Variants in C5 observed in about 807,000 individuals in gnomAD.
C5 encodes complement C5.
C5 carries 140 observed loss-of-function variants against 218.8 expected under a neutral mutation model. The observed-to-expected ratio is 0.64, with a 90% CI of 0.56 to 0.74. C5 has a LOEUF of 0.74. Among genes scored for constraint, C5 ranks in the 30% least tolerant of loss-of-function variants. The pLI, the probability that C5 is intolerant of heterozygous loss-of-function variation, is 0.00. For synonymous variants in C5, 614 were observed against 682.3 expected, an observed-to-expected ratio of 0.90 and a Z score of 1.56; for missense variants, 1,700 against 1,969.6, an observed-to-expected ratio of 0.86 and a Z score of 2.59.
intron 10 of C5, among the ~76,000 whole-genome samples, chr9:121,022,369 T>C (rs1256744938): frequency 3.3e-5 from 5 of 150,216 alleles, no homozygotes; most frequent in Non-Finnish European, 5.9e-5. Flanking sequence ...TATAAACATA[T>C]TTTAAGCTTA....
rs1187988699 is a variant in C5, at chr9:120,962,981, G to A, written c.4324-14C>T. On this transcript the variant is annotated splice_polypyrimidine_tract_variant and intron_variant, in intron 34 of 40. Coordinates refer to ENST00000223642, the MANE Select transcript of C5 (RefSeq NM_001735.3). ...CCCTTCCACAAGCTAAGGGGGAAAA[G>A]AGAGAAGCTTGAATTTCATTTCATT... 7.5e-6 allele frequency: 12 copies of A among 1,598,710 alleles called. No individual in the cohort carries two copies. Among genetic ancestry groups the A allele is most frequent in the Non-Finnish European group, 1.0e-5 (12 of 1,166,072 alleles).
chr9:121,000,141 C>T, intron 20 of C5: 1 of 195,576 alleles, frequency 5.1e-6, no homozygotes, highest in Non-Finnish European at 1.1e-5. Context: ...CTAGATTTGG[C>T]CCATGGTCCA....
intron 23 of C5, among the ~76,000 whole-genome samples, chr9:120,990,218 C>A (rs1471263458): frequency 1.3e-5 from 2 of 152,198 alleles, no homozygotes; most frequent in Non-Finnish European, 1.5e-5. Context: ...CAGGGTTGCA[C>A]ATGATCAAAA....
intron 17 of C5, among the ~76,000 whole-genome samples, chr9:121,010,238 G>A (rs1207787310): frequency 6.6e-6 from 1 of 152,212 alleles, no homozygotes; most frequent in African/African-American, 2.4e-5. Flanking sequence ...GGAAAAACCT[G>A]AGGACTCCAC....
chr9:121,001,746 C>T (rs1315048573), intron 20 of C5, among the ~76,000 whole-genome samples: 1 of 152,116 alleles, frequency 6.6e-6, no homozygotes, highest in Non-Finnish European at 1.5e-5. Context: ...AGGCTACCTG[C>T]ATACACTTGG....
chr9:120,974,686 A>T, intron 30 of C5, 93 bp downstream of exon 30: 1 of 1,146,868 alleles, frequency 8.7e-7, no homozygotes, highest in Non-Finnish European at 1.3e-6. Flanking sequence ...ATGTTTAAGT[A>T]GTGAAGAGAT....
intron 20 of C5, among the ~76,000 whole-genome samples, chr9:121,000,598 T>A (rs1478284170): frequency 2.0e-5 from 3 of 152,154 alleles, no homozygotes; most frequent in Non-Finnish European, 4.4e-5. Flanking sequence ...TGGGATTAGA[T>A]CCTTATTTCA....
chr9:121,050,886 C>T (rs1381571461), upstream of C5, among the ~76,000 whole-genome samples: 3 of 151,992 alleles, frequency 2.0e-5, no homozygotes, highest in Admixed American at 6.6e-5. Flanking sequence ...AGGATGCTGT[C>T]GTCATTCTCT....
At chr9:121,016,586 A>C (rs1358584214) in intron 14 of C5, among the ~76,000 whole-genome samples, 5 of 152,268 alleles carry the variant, frequency 3.3e-5, no homozygotes, top group Non-Finnish European at 5.9e-5. Flanking sequence ...ATTCAAAGTT[A>C]AATCAAGAAC....
chr9:120,969,916 A>C (rs1391460425), intron 32 of C5, among the ~76,000 whole-genome samples: 1 of 152,252 alleles, frequency 6.6e-6, no homozygotes. Flanking sequence ...TAACATAGTC[A>C]AAACAATTTA....
At chr9:120,954,562 T>C (rs2300929) in intron 39 of C5, among the ~76,000 whole-genome samples, 30,259 of 152,154 alleles carry the variant, frequency 0.2, 5,295 homozygotes, top group African/African-American at 0.47. Context: ...CTGTCTCCTC[T>C]TTACCTCTTT....
chr9:121,043,037 T>C lies in C5; in HGVS notation c.388A>G (p.Thr130Ala). The C allele has an allele frequency of 6.2e-7, 1 of 1,613,114 alleles. No individual in the cohort carries two copies. The highest frequency in any genetic ancestry group is 1.1e-5 in the South Asian group (1 of 91,050). Reference protein sequence around the residue: ...TYDNGFLFIHTDKPVYTPDQS... With the variant: ...TYDNGFLFIHADKPVYTPDQS... ...TCTGGAGTATAAACAGGTTTGTCTG[T>C]ATGAATGAAGAGAAATCCATTGTCA... The change falls in exon 3 of 41, where the codon ACA (threonine) becomes GCA (alanine). Residue 130 changes from threonine (T) to alanine (A), a missense_variant. Physicochemically the swap from Thr to Ala is moderately conservative, Grantham distance 58. Transcript: ENST00000223642.
intron 20 of C5, among the ~76,000 whole-genome samples, chr9:121,002,224 ATATATGTATATATG>A (rs2047170201): frequency 4.1e-5 from 2 of 48,414 alleles, no homozygotes; most frequent in Non-Finnish European, 5.0e-5. Context: ...ACGTATATAT[ATATATGTATATATG>A]TATATGTATA....
At chr9:121,021,130 G>C (rs2047361651) in intron 11 of C5, among the ~76,000 whole-genome samples, 1 of 152,072 alleles carries the variant, frequency 6.6e-6, no homozygotes, top group East Asian at 1.9e-4. Context: ...TCTGTAGTTA[G>C]AAAAAAGGGA....
intron 5 of C5, 62 bp downstream of exon 5, chr9:121,034,741 G>T: frequency 2.3e-6 from 2 of 878,134 alleles, no homozygotes; most frequent in Non-Finnish European, 1.9e-6. Flanking sequence ...CCCTTTAACT[G>T]GTTACCTGCT....
At chr9:120,955,647 A>G (rs2046778902) in intron 39 of C5, among the ~76,000 whole-genome samples, 1 of 152,202 alleles carries the variant, frequency 6.6e-6, no homozygotes, top group Admixed American at 6.5e-5. Context: ...GAAGAAAAAA[A>G]TAAAATAACT....
At chr9:121,038,850 T>C (rs975768259) in intron 3 of C5, among the ~76,000 whole-genome samples, 2 of 152,202 alleles carry the variant, frequency 1.3e-5, no homozygotes, top group Non-Finnish European at 2.9e-5. Flanking sequence ...ATAAAAACAA[T>C]GTGCTCAGTA....
intron 22 of C5, among the ~76,000 whole-genome samples, chr9:120,995,804 A>C (rs2047111640): frequency 6.7e-6 from 1 of 149,100 alleles, no homozygotes. Context: ...AAAGATAGTG[A>C]TCTAAGAAGT....
At chr9:121,027,326 A>G (rs1335669091) in intron 7 of C5, 52 bp from the exon 8 acceptor site, 11 of 871,936 alleles carry the variant, frequency 1.3e-5, no homozygotes, top group Non-Finnish European at 1.7e-5. Flanking sequence ...CAATAACAGG[A>G]TTCAGATAAA....
Sources: allele counts gnomAD v4.1 joint callset (sites outside exome capture counted in the v4.1 genomes callset), GRCh38; gene constraint gnomAD v4.1.1; transcripts MANE v1.5; gene names NCBI Gene and HGNC (gene_info 2026-07-23, HGNC 2026-07-21).